The following NIT2 variants were observed in gnomAD, a reference collection of about 807,000 sequenced individuals.
NIT2 encodes omega-amidase NIT2.
In NIT2, 46 loss-of-function variants were observed where a neutral mutation model predicts 42.7. The observed-to-expected ratio is 1.08, with a 90% confidence interval of 0.85 to 1.38. NIT2 has a LOEUF of 1.38. Among genes scored for constraint, NIT2 ranks in the 40% most tolerant of loss-of-function variants. NIT2 has a pLI of 0.00. For synonymous variants in NIT2, 123 were observed against 121.9 expected, an observed-to-expected ratio of 1.01 and a Z score of -0.06; for missense variants, 309 against 342.5, an observed-to-expected ratio of 0.90 and a Z score of 0.77.
intron 3 of NIT2, among the ~76,000 whole-genome samples, chr3:100,340,296 G>T (rs1706134585): frequency 6.6e-6 from 1 of 151,984 alleles, no homozygotes; most frequent in African/African-American, 2.4e-5. Flanking sequence ...GAACTCCTAG[G>T]CTCAAGCAGT....
rs1706047743 is a variant in NIT2 at position 100,334,810 on chromosome 3, G to A, written c.7+12G>A. 15 of 1,300,788 alleles carry A rather than the reference G, an allele frequency of 1.2e-5. No homozygotes were observed. Among genetic ancestry groups the A allele is most frequent in the Non-Finnish European group, 1.5e-5 (15 of 1,020,078 alleles). 80.6% of individuals were successfully genotyped at this position (1,300,788 alleles called of 1,614,324 possible). ...CAGAGTCATGACCTGTAAGTGGCGC[G>A]GCCGCGCGCTGCAGCTCGAGTTCGG... On this transcript the variant is annotated intron_variant, in intron 1 of 9. Transcript: ENST00000394140.
In NIT2 at chr3:100,358,838, TG is replaced by T. The variant is rs1272763202; in HGVS notation, c.*3572del. The T allele has an allele frequency of 6.6e-6, 1 of 152,240 alleles. No homozygotes were observed. The highest frequency in any genetic ancestry group is 2.4e-5 in the African/African-American group (1 of 41,448). The allele number at this position is 152,240 out of a possible 1,614,324, so 9.4% of individuals were successfully genotyped here. ...GATAAATGTTCTGCTCTATTGGCAC[TG>T]GTTTTAAGTCTTTTGTGCTACTTTT... On this transcript the variant is annotated 3_prime_UTR_variant, in exon 10 of 10. Transcript: ENST00000394140.
chr3:100,353,819 G>T (rs1029400566), intron 8 of NIT2, among the ~76,000 whole-genome samples: 7 of 150,746 alleles, frequency 4.6e-5, no homozygotes, highest in Non-Finnish European at 1.0e-4. Flanking sequence ...TGTCGCCCAG[G>T]CTGGAGTGCA....
intron 8 of NIT2, among the ~76,000 whole-genome samples, chr3:100,352,961 C>T (rs529484028): frequency 6.6e-6 from 1 of 152,160 alleles, no homozygotes; most frequent in Non-Finnish European, 1.5e-5. Flanking sequence ...TGACCCTCTC[C>T]CCAACAAAAG....
chr3:100,344,928 T>C (rs1395776301), intron 4 of NIT2, among the ~76,000 whole-genome samples: 4 of 148,074 alleles, frequency 2.7e-5, no homozygotes, highest in Non-Finnish European at 5.9e-5. Flanking sequence ...TGTCAATTTG[T>C]CAGTTTGATT....
intron 1 of NIT2, among the ~76,000 whole-genome samples, chr3:100,335,522 G>A (rs1424411558): frequency 2.0e-5 from 3 of 152,194 alleles, no homozygotes; most frequent in Non-Finnish European, 4.4e-5. Flanking sequence ...AGTGACGGGC[G>A]TCTCCTCCTC....
At chr3:100,334,839 G>C (rs778870781) in intron 1 of NIT2, 41 bp downstream of exon 1, 1 of 1,209,010 alleles carries the variant, frequency 8.3e-7, no homozygotes, top group South Asian at 3.6e-5. Flanking sequence ...AGTTCGGGCC[G>C]CGGGGGAGGC....
chr3:100,346,416 T>C (rs1706218608), intron 6 of NIT2, among the ~76,000 whole-genome samples, 161 bp downstream of exon 6: 1 of 152,182 alleles, frequency 6.6e-6, no homozygotes, highest in African/African-American at 2.4e-5. Context: ...TTGCTGTGTA[T>C]GGATGACAGG....
intron 5 of NIT2, 68 bp downstream of exon 5, chr3:100,345,746 T>C (rs1254160576): frequency 2.1e-5 from 21 of 986,580 alleles, no homozygotes; most frequent in Non-Finnish European, 2.7e-5. Context: ...TATTTCTTTT[T>C]TGTCTCTCTC....
intron 5 of NIT2, 184 bp from the exon 6 acceptor site, chr3:100,345,997 A>T (rs1706212815): frequency 1.6e-6 from 1 of 610,058 alleles, no homozygotes; most frequent in South Asian, 2.0e-5. Flanking sequence ...CCGCTGATGT[A>T]AATGATGTCT....
At chr3:100,345,561 C>G (rs761439022) in intron 4 of NIT2, 24 bp from the exon 5 acceptor site, 2 of 1,534,274 alleles carry the variant, frequency 1.3e-6, no homozygotes, top group South Asian at 2.3e-5. Flanking sequence ...AAAGAGGTAA[C>G]CAAATCCATT....
In NIT2 at chr3:100,352,461, C is replaced by T. The variant is rs372960501; in HGVS notation, c.642C>T (p.Ala214=). Residue 214 remains alanine (A), a synonymous_variant, in exon 8 of 10, where the codon GCC becomes GCT. Coordinates refer to ENST00000394140, the MANE Select transcript of NIT2 (RefSeq NM_020202.5). Reference sequence around the variant, plus strand: ...CCTCTCCTGCCCGGGATGACAAAGCCTCCTATGTTGCCTGGGGACACAGCA... The same window carrying T: ...CCTCTCCTGCCCGGGATGACAAAGCTTCCTATGTTGCCTGGGGACACAGCA... ...ATASPARDDK[A]SYVAWGHSTV... is the part of the protein sequence containing the mutation. The T allele has an allele frequency of 1.9e-6, 3 of 1,613,626 alleles. No individual in the cohort carries two copies. The South Asian group carries it at 3.3e-5, about 18-fold the overall frequency.
At chr3:100,346,725 G>T (rs775827732) in intron 6 of NIT2, among the ~76,000 whole-genome samples, 1 of 152,214 alleles carries the variant, frequency 6.6e-6, no homozygotes, top group Non-Finnish European at 1.5e-5. Context: ...TTGCTAAAAT[G>T]ATTTCACCTC....
chr3:100,335,776 C>A lies in NIT2; in HGVS notation c.7+978C>A, dbSNP rs145195856. Reference sequence around the variant, plus strand: ...CCCAACAGTTTGGGAAGCTGAGGCACGAGGATCGCTTGAGTTCACGAGTCA... The same window carrying A: ...CCCAACAGTTTGGGAAGCTGAGGCAAGAGGATCGCTTGAGTTCACGAGTCA... On this transcript the variant is annotated intron_variant, in intron 1 of 9. Transcript: ENST00000394140. Among the ~76,000 whole-genome samples the A allele has an allele frequency of 4.0e-3, 615 of 152,220 alleles. 3 individuals are homozygous for A. The highest frequency in any genetic ancestry group is 8.1e-3 in the South Asian group (39 of 4,828).
intron 1 of NIT2, among the ~76,000 whole-genome samples, chr3:100,336,542 C>G (rs1385507261): frequency 1.3e-5 from 2 of 152,074 alleles, no homozygotes; most frequent in African/African-American, 4.8e-5. Context: ...GTGGCAGGGT[C>G]ATAGGATAAT....
chr3:100,335,082 C>G, intron 1 of NIT2: 1 of 480,772 alleles, frequency 2.1e-6, no homozygotes, highest in Non-Finnish European at 3.9e-6. Flanking sequence ...GGCTGATGGA[C>G]GTGTATTTCT....
intron 5 of NIT2, 105 bp downstream of exon 5, chr3:100,345,783 A>G (rs185623936): frequency 1.1e-4 from 82 of 734,888 alleles, no homozygotes; most frequent in Admixed American, 3.8e-4. Flanking sequence ...CCTAACTGAA[A>G]GACCATAAGT....
intron 8 of NIT2, among the ~76,000 whole-genome samples, chr3:100,353,832 G>A (rs1476637874): frequency 1.3e-5 from 2 of 148,480 alleles, no homozygotes; most frequent in Non-Finnish European, 3.0e-5. Flanking sequence ...GGAGTGCAGT[G>A]GTGCAATCTC....
intron 1 of NIT2, 109 bp downstream of exon 1, chr3:100,334,907 C>T (rs975659863): frequency 1.9e-6 from 2 of 1,064,930 alleles, no homozygotes; most frequent in African/African-American, 3.3e-5. Context: ...CGCGTCCCCG[C>T]CGTGCGCGGC....
Sources: gnomAD v4.1 joint callset for allele counts (sites outside exome capture counted in the v4.1 genomes callset) on GRCh38, gnomAD v4.1.1 for gene constraint, MANE v1.5 for transcripts, NCBI Gene and HGNC (gene_info 2026-07-23, HGNC 2026-07-21) for gene names.